Variants in MYCBP2 observed in about 807,000 individuals in gnomAD.
MYCBP2 encodes E3 ubiquitin-protein ligase MYCBP2.
Under a neutral mutation model 525.3 loss-of-function variants are expected in MYCBP2, and 120 were observed. That is an observed-to-expected ratio of 0.23 (90% CI 0.20 to 0.27). The LOEUF (loss-of-function observed/expected upper bound fraction) is 0.27. Ranked by LOEUF, MYCBP2 falls within the 10% of genes least tolerant of loss-of-function variation. The pLI is 1.00. For missense variants in MYCBP2, 4,149 were observed against 5,657.1 expected (o/e 0.73, Z 8.55); for synonymous variants, 1,894 against 1,955.8 (o/e 0.97, Z 0.83).
Position 77,326,807 on chromosome 13 carries a change from T to C in MYCBP2, c.-32A>G. The C allele has an allele frequency of 7.2e-7, 1 of 1,387,014 alleles. No individual in the cohort carries two copies. The highest frequency in any genetic ancestry group is 1.6e-5 in the South Asian group (1 of 60,826). The allele number at this position is 1,387,014 out of a possible 1,614,324, so 85.9% of individuals were successfully genotyped here. A position where few individuals can be genotyped will look rare whatever the true frequency, so the allele number is the denominator to read the frequency against. ...CGCCGCCGCCGCCGCCGCCGCCTCGTCCCCGCGGGCCGGGCGGGCAGACAC... is the reference window on the plus strand; with the variant it reads ...CGCCGCCGCCGCCGCCGCCGCCTCGCCCCCGCGGGCCGGGCGGGCAGACAC... On this transcript the variant is annotated 5_prime_UTR_variant, in exon 1 of 83. Coordinates refer to ENST00000544440, the MANE Select transcript of MYCBP2 (RefSeq NM_015057.5). This position sits in a 1 kb window ranked among gnomAD's most constrained non-coding sequence, Gnocchi z 4.2.
intron 52 of MYCBP2, among the ~76,000 whole-genome samples, chr13:77,138,345 G>C (rs2054074940): frequency 6.6e-6 from 1 of 152,086 alleles, no homozygotes. Flanking sequence ...TACTGCTTTG[G>C]AGAACATTAT....
At chr13:77,102,099 A>G (rs2047155774) in intron 55 of MYCBP2, among the ~76,000 whole-genome samples, 1 of 151,932 alleles carries the variant, frequency 6.6e-6, no homozygotes, top group Non-Finnish European at 1.5e-5. Flanking sequence ...AACATGTTAA[A>G]TGGTAAGCAT....
At chr13:77,279,107 A>G (rs974372866) in intron 3 of MYCBP2, among the ~76,000 whole-genome samples, 196 bp from the exon 4 acceptor site, 3 of 152,200 alleles carry the variant, frequency 2.0e-5, no homozygotes, top group African/African-American at 4.8e-5. Context: ...GAAATAAACT[A>G]TATTAATTTG....
At chr13:77,132,616 T>C (rs1235132144) in intron 52 of MYCBP2, among the ~76,000 whole-genome samples, 4 of 152,104 alleles carry the variant, frequency 2.6e-5, no homozygotes, top group Admixed American at 6.5e-5. Context: ...ATACTTCCAT[T>C]TGTCTATCAT....
chr13:77,191,541 A>C (rs1470532979), intron 28 of MYCBP2, 138 bp downstream of exon 28: 2 of 1,004,370 alleles, frequency 2.0e-6, no homozygotes, highest in Non-Finnish European at 2.9e-6. Flanking sequence ...AGGTTACATG[A>C]ATTTAATTTT....
In MYCBP2 at chr13:77,327,022, G is replaced by T. The variant is rs1168183669; in HGVS notation, c.-247C>A. On this transcript the variant is annotated 5_prime_UTR_variant, in exon 1 of 83. Transcript: ENST00000544440. ...GCCACCCCGGGAATGTGAGGAGGAG[G>T]CGGTGCCGCCACTGCCGCCGCCACC... 4.6e-6 allele frequency: 2 copies of T among 436,246 alleles called. No individual in the cohort carries two copies. The highest frequency in any genetic ancestry group is 7.9e-6 in the Non-Finnish European group (2 of 253,016). The allele number at this position is 436,246 out of a possible 1,614,324, so 27.0% of individuals were successfully genotyped here.
chr13:77,322,923 TGAAA>T (rs1270708564), intron 1 of MYCBP2, among the ~76,000 whole-genome samples: 1 of 152,210 alleles, frequency 6.6e-6, no homozygotes, highest in Non-Finnish European at 1.5e-5. Context: ...ACTGGATAAA[TGAAA>T]GAGTTATTCC....
At chr13:77,187,988 T>A (rs1388971382) in intron 30 of MYCBP2, among the ~76,000 whole-genome samples, 1 of 151,594 alleles carries the variant, frequency 6.6e-6, no homozygotes, top group Non-Finnish European at 1.5e-5. Context: ...GGAGAATTGC[T>A]TGAACTCAGG....
chr13:77,155,969 T>C (rs1203600825), intron 46 of MYCBP2, 89 bp downstream of exon 46: 3 of 1,265,592 alleles, frequency 2.4e-6, no homozygotes, highest in African/African-American at 1.5e-5. Flanking sequence ...GTAGAACAAA[T>C]GGACTCTCAG....
intron 65 of MYCBP2, among the ~76,000 whole-genome samples, chr13:77,079,813 A>T (rs2042984752): frequency 6.6e-6 from 1 of 152,210 alleles, no homozygotes; most frequent in Non-Finnish European, 1.5e-5. Context: ...TCTGTGTTCA[A>T]AAAGTTTCAG....
intron 21 of MYCBP2, among the ~76,000 whole-genome samples, chr13:77,217,517 C>T (rs2064992843): frequency 6.6e-6 from 1 of 152,152 alleles, no homozygotes; most frequent in African/African-American, 2.4e-5. Context: ...TTCATCTCTA[C>T]AAGTTAGATG....
intron 28 of MYCBP2, 68 bp from the exon 29 acceptor site, chr13:77,190,403 A>G: frequency 1.2e-5 from 11 of 919,680 alleles, no homozygotes; most frequent in Non-Finnish European, 1.7e-5. Context: ...TTTAAGAAAC[A>G]TGTTTTCAAA....
rs1594726501 is a variant in MYCBP2 at position 77,121,499 on chromosome 13, C to G, written c.8018-4G>C. 2 of 1,562,858 alleles carry G rather than the reference C, an allele frequency of 1.3e-6. No individual in the cohort carries two copies. On this transcript the variant is annotated splice_region_variant and splice_polypyrimidine_tract_variant and intron_variant, in intron 54 of 82. Coordinates refer to ENST00000544440, the MANE Select transcript of MYCBP2 (RefSeq NM_015057.5). ...TTCTGATCCAGAAGAGCTTGTTCTA[C>G]AATAAAAGCCATAGCTGTAACATTA...
intron 58 of MYCBP2, 76 bp downstream of exon 58, chr13:77,095,282 C>G: frequency 6.5e-7 from 1 of 1,536,210 alleles, no homozygotes; most frequent in Non-Finnish European, 8.8e-7. Context: ...GGTCAAATAC[C>G]GAACTACCCT....
At chr13:77,302,266 T>G (rs551139555) in intron 1 of MYCBP2, among the ~76,000 whole-genome samples, 1 of 151,526 alleles carries the variant, frequency 6.6e-6, no homozygotes, top group Non-Finnish European at 1.5e-5. Flanking sequence ...ATGGTCATAT[T>G]GCTAAAAGCA....
chr13:77,227,481 TACACAC>T (rs71704593), intron 18 of MYCBP2, among the ~76,000 whole-genome samples: 84,820 of 145,132 alleles, frequency 0.58, 26,412 homozygotes, highest in Admixed American at 0.71. Flanking sequence ...CACACACACA[TACACAC>T]ACACACACAC....
intron 52 of MYCBP2, chr13:77,129,143 A>G (rs2052268744): frequency 2.5e-6 from 1 of 397,696 alleles, no homozygotes; most frequent in Non-Finnish European, 4.4e-6. Flanking sequence ...ATTGTTCCTT[A>G]CAGTTAACTC....
intron 52 of MYCBP2, among the ~76,000 whole-genome samples, chr13:77,127,000 A>G (rs1047094884): frequency 3.9e-5 from 6 of 152,086 alleles, no homozygotes; most frequent in African/African-American, 1.4e-4. Flanking sequence ...ATAAATAGAG[A>G]AAACAGGTAT....
intron 23 of MYCBP2, among the ~76,000 whole-genome samples, chr13:77,207,140 G>T (rs1237904651): frequency 6.6e-6 from 1 of 152,076 alleles, no homozygotes; most frequent in African/African-American, 2.4e-5. Flanking sequence ...CATTAAAAAA[G>T]TTTAAAGACA....
Sources: gnomAD v4.1 joint callset for allele counts (sites outside exome capture counted in the v4.1 genomes callset) on GRCh38, gnomAD v4.1.1 for gene constraint, Gnocchi (gnomAD v3.1) non-coding constraint, MANE v1.5 for transcripts, NCBI Gene and HGNC (gene_info 2026-07-23, HGNC 2026-07-21) for gene names.